TENM3: variants seen among roughly 807,000 people sequenced by gnomAD.
TENM3 encodes the protein teneurin-3.
In TENM3, 63 loss-of-function variants were observed where a neutral mutation model predicts 255.1. That is an observed-to-expected ratio of 0.25 (90% CI 0.20 to 0.30). TENM3 has a LOEUF of 0.30. Ranked by LOEUF, TENM3 falls within the 10% of genes least tolerant of loss-of-function variation. TENM3 has a pLI of 1.00. For synonymous variants in TENM3, 1,306 were observed against 1,322.3 expected, an observed-to-expected ratio of 0.99 and a Z score of 0.27; for missense variants, 2,929 against 3,461.1, an observed-to-expected ratio of 0.85 and a Z score of 3.86.
At chr4:182,674,962 C>T (rs377217656) in intron 7 of TENM3, among the ~76,000 whole-genome samples, 39 of 152,068 alleles carry the variant, frequency 2.6e-4, no homozygotes, top group African/African-American at 5.8e-4. Context: ...CCACAACCTC[C>T]GCCTCCCGGG....
the TENM3 span, among the ~76,000 whole-genome samples, chr4:181,501,603 T>C: frequency 9.9e-5 from 15 of 152,012 alleles, 1 homozygote; most frequent in Non-Finnish European, 1.9e-4. Context: ...TGCTCTCGAA[T>C]TCCTGGCCTC....
At chr4:182,229,039 T>C (rs1320893104) in intron 1 of TENM3, among the ~76,000 whole-genome samples, 1 of 152,220 alleles carries the variant, frequency 6.6e-6, no homozygotes, top group Non-Finnish European at 1.5e-5. Flanking sequence ...TTTCTAATAT[T>C]GTTAATGATG....
chr4:182,418,610 G>T (rs1308950888), intron 3 of TENM3, among the ~76,000 whole-genome samples: 1 of 152,160 alleles, frequency 6.6e-6, no homozygotes, highest in African/African-American at 2.4e-5. Context: ...ACCCAGCCTG[G>T]AGTGTGGTGG....
chr4:182,620,095 G>T (rs1749959325), intron 4 of TENM3, among the ~76,000 whole-genome samples: 2 of 152,178 alleles, frequency 1.3e-5, no homozygotes, highest in Non-Finnish European at 2.9e-5. Context: ...TTTTTTACGT[G>T]TGAGAAGCAT....
At chr4:182,705,324 A>G (rs1020446376) in intron 12 of TENM3, among the ~76,000 whole-genome samples, 8 of 152,232 alleles carry the variant, frequency 5.3e-5, no homozygotes, top group Non-Finnish European at 1.2e-4. Flanking sequence ...CTAACTAAAA[A>G]TCTGCCCTCT....
chr4:181,844,784 G>A, the TENM3 span, among the ~76,000 whole-genome samples: 7 of 152,124 alleles, frequency 4.6e-5, no homozygotes, highest in African/African-American at 7.2e-5. Context: ...GATGCTCTTC[G>A]GGGTAAGTGG....
At chr4:182,648,879 T>A (rs1015189775) in intron 5 of TENM3, among the ~76,000 whole-genome samples, 1 of 152,194 alleles carries the variant, frequency 6.6e-6, no homozygotes, top group Non-Finnish European at 1.5e-5. Context: ...GTGAGATTCA[T>A]CTATATTGTT....
At chr4:182,218,964 C>A (rs1755686481) in intron 1 of TENM3, among the ~76,000 whole-genome samples, 1 of 152,204 alleles carries the variant, frequency 6.6e-6, no homozygotes, top group Admixed American at 6.5e-5. Flanking sequence ...GAGGTTCACG[C>A]CTGTAATCCC....
intron 1 of TENM3, among the ~76,000 whole-genome samples, chr4:182,159,482 G>A (rs1164999250): frequency 7.6e-6 from 1 of 131,496 alleles, no homozygotes; most frequent in Non-Finnish European, 1.7e-5. Context: ...GTGTGTGTGT[G>A]TGTATCAGGA....
chr4:181,981,024 C>T, the TENM3 span, among the ~76,000 whole-genome samples: 41 of 152,028 alleles, frequency 2.7e-4, no homozygotes, highest in Non-Finnish European at 5.1e-4. Context: ...GGGCAAGAGG[C>T]GGTCCAGGAC....
chr4:182,528,943 T>C (rs1739499789), intron 3 of TENM3, among the ~76,000 whole-genome samples: 1 of 152,256 alleles, frequency 6.6e-6, no homozygotes, highest in African/African-American at 2.4e-5. Context: ...TGTACTTTGA[T>C]TGTAGAAGTT....
At chr4:181,551,401 C>T in the TENM3 span, among the ~76,000 whole-genome samples, 1 of 152,170 alleles carries the variant, frequency 6.6e-6, no homozygotes, top group East Asian at 1.9e-4. Context: ...GGCACATTCA[C>T]ATAATGTTTA....
At chr4:181,637,882 T>C in the TENM3 span, among the ~76,000 whole-genome samples, 1 of 152,116 alleles carries the variant, frequency 6.6e-6, no homozygotes, top group African/African-American at 2.4e-5. Context: ...AATTTCTGAG[T>C]GAACAAATGA....
At chr4:182,402,867 A>G (rs1245922513) in intron 3 of TENM3, among the ~76,000 whole-genome samples, 1 of 152,236 alleles carries the variant, frequency 6.6e-6, no homozygotes, top group African/African-American at 2.4e-5. Flanking sequence ...TTTATTTAAA[A>G]CATAACTTTT....
intron 3 of TENM3, among the ~76,000 whole-genome samples, chr4:182,354,814 C>G (rs934713149): frequency 2.6e-5 from 4 of 152,158 alleles, no homozygotes; most frequent in African/African-American, 9.7e-5. Flanking sequence ...CTAAAAATGT[C>G]TGATGACTAT....
chr4:182,132,729 GT>G, the TENM3 span, among the ~76,000 whole-genome samples: 4 of 152,136 alleles, frequency 2.6e-5, no homozygotes, highest in South Asian at 2.1e-4. Flanking sequence ...TTAAACTCTA[GT>G]TCATAGTTCT....
intron 1 of TENM3, among the ~76,000 whole-genome samples, chr4:182,161,529 A>C (rs183581551): frequency 7.3e-6 from 1 of 137,160 alleles, no homozygotes; most frequent in African/African-American, 2.8e-5. Flanking sequence ...GGAGGTTGCA[A>C]TGAGCCGAGA....
At chr4:182,790,723 T>C (rs1766037792) in intron 25 of TENM3, among the ~76,000 whole-genome samples, 1 of 152,196 alleles carries the variant, frequency 6.6e-6, no homozygotes, top group South Asian at 2.1e-4. Flanking sequence ...GATCATGGCT[T>C]CGTTCTGGAG....
At chr4:181,704,811 T>C in the TENM3 span, among the ~76,000 whole-genome samples, 1 of 152,022 alleles carries the variant, frequency 6.6e-6, no homozygotes, top group Non-Finnish European at 1.5e-5. Flanking sequence ...GGCGGGCAGA[T>C]CCCCTGAGGT....
Sources: allele counts gnomAD v4.1 joint callset (sites outside exome capture counted in the v4.1 genomes callset), GRCh38; gene constraint gnomAD v4.1.1; transcripts MANE v1.5; gene names NCBI Gene and HGNC (gene_info 2026-07-23, HGNC 2026-07-21).